KCNH8: variants seen among roughly 807,000 people sequenced by gnomAD.
KCNH8 encodes the protein voltage-gated delayed rectifier potassium channel KCNH8.
Under a neutral mutation model 103.6 loss-of-function variants are expected in KCNH8, and 70 were observed. The observed-to-expected ratio is 0.68, with a 90% CI of 0.56 to 0.82. The LOEUF is 0.82. Among genes scored for constraint, KCNH8 ranks in the 40% least tolerant of loss-of-function variants. The pLI is 0.00. For synonymous variants in KCNH8, 498 were observed against 489.4 expected, an observed-to-expected ratio of 1.02 and a Z score of -0.23; for missense variants, 1,217 against 1,329.9, an observed-to-expected ratio of 0.92 and a Z score of 1.32.
Position 19,395,224 on chromosome 3 carries a change from G to T in KCNH8, c.1090G>T (p.Ala364Ser). The change falls in exon 7 of 16, where the codon GCA becomes TCA. Residue 364 changes from alanine to serine, a missense_variant. Physicochemically the swap from Ala to Ser is moderately conservative, Grantham distance 99. Coordinates refer to ENST00000328405, the MANE Select transcript of KCNH8 (RefSeq NM_144633.3). The stretch of plus-strand genomic sequence containing the variant: ...CCTGACTCTGCTCATGTCCATGTTT[G>T]CACTCCTTGCACACTGGATGGCGTG... ...IVLTLLMSMF[A>S]LLAHWMACIW... is the part of the protein sequence containing the mutation. 1 of 1,608,658 alleles carries T rather than the reference G, an allele frequency of 6.2e-7. No individual in the cohort carries two copies. Among genetic ancestry groups the T allele is most frequent in the African/African-American group, 1.3e-5 (1 of 74,692 alleles).
chr3:19,371,737 G>A (rs2125116681), intron 5 of KCNH8, among the ~76,000 whole-genome samples: 1 of 123,822 alleles, frequency 8.1e-6, no homozygotes, highest in East Asian at 2.2e-4. Flanking sequence ...GGTTTTTATG[G>A]TTTTAGGTCT....
At chr3:19,495,633 T>C (rs1052915278) in intron 11 of KCNH8, among the ~76,000 whole-genome samples, 17 of 152,190 alleles carry the variant, frequency 1.1e-4, no homozygotes, top group African/African-American at 4.1e-4. Context: ...TGAAGTCAGG[T>C]AACATGATAC....
At chr3:19,302,538 C>G (rs1314489450) in intron 3 of KCNH8, among the ~76,000 whole-genome samples, 2 of 152,282 alleles carry the variant, frequency 1.3e-5, no homozygotes, top group East Asian at 3.9e-4. Context: ...CATTAAACGT[C>G]CTTCTATCAA....
At chr3:19,256,288 A>G (rs1194515658) in intron 2 of KCNH8, among the ~76,000 whole-genome samples, 1 of 152,158 alleles carries the variant, frequency 6.6e-6, no homozygotes, top group Non-Finnish European at 1.5e-5. Context: ...GTTATGAAGT[A>G]TTGGAGACTA....
At chr3:19,454,665 A>G (rs1190448227) in intron 10 of KCNH8, among the ~76,000 whole-genome samples, 1 of 152,074 alleles carries the variant, frequency 6.6e-6, no homozygotes, top group Non-Finnish European at 1.5e-5. Context: ...ATTCAATTGG[A>G]TATTTCTTGT....
At chr3:19,339,575 T>C (rs2065630609) in intron 3 of KCNH8, among the ~76,000 whole-genome samples, 1 of 152,158 alleles carries the variant, frequency 6.6e-6, no homozygotes, top group Non-Finnish European at 1.5e-5. Flanking sequence ...TGTGCTTTGT[T>C]CAGCCACAAG....
intron 2 of KCNH8, among the ~76,000 whole-genome samples, chr3:19,269,309 T>G (rs893365684): frequency 6.6e-6 from 1 of 152,114 alleles, no homozygotes; most frequent in African/African-American, 2.4e-5. Flanking sequence ...TTTCTCAATT[T>G]TGAGTCCCCC....
At chr3:19,418,755 A>G (rs2066899690) in intron 7 of KCNH8, among the ~76,000 whole-genome samples, 1 of 152,236 alleles carries the variant, frequency 6.6e-6, no homozygotes, top group Non-Finnish European at 1.5e-5. Flanking sequence ...AGAAAGTTTA[A>G]TGCAAACTTG....
Position 19,382,459 on chromosome 3 carries a change from A to C in KCNH8, c.812-8022A>C, listed in dbSNP as rs115545016. ...AATAGTTAATACATAGAAAGTACTT[A>C]AACAATTCCTCTCACAAAGTAAAAA... On this transcript the variant is annotated intron_variant, in intron 5 of 15. Coordinates refer to ENST00000328405, the MANE Select transcript of KCNH8 (RefSeq NM_144633.3). 8.0e-3 allele frequency among the ~76,000 whole-genome samples: 1,223 copies of C among 152,312 alleles called. 19 individuals carry two copies. Among genetic ancestry groups the C allele is most frequent in the African/African-American group, 0.028 (1,169 of 41,562 alleles).
chr3:19,476,488 C>G (rs2067979362), intron 11 of KCNH8, among the ~76,000 whole-genome samples: 1 of 152,112 alleles, frequency 6.6e-6, no homozygotes, highest in African/African-American at 2.4e-5. Context: ...TGTTTCTTTA[C>G]AATTACACAG....
At chr3:19,240,769 C>T (rs1008459257) in intron 1 of KCNH8, among the ~76,000 whole-genome samples, 1 of 152,126 alleles carries the variant, frequency 6.6e-6, no homozygotes, top group Non-Finnish European at 1.5e-5. Flanking sequence ...TCATAAGATA[C>T]ACCTCTGCCT....
intron 5 of KCNH8, among the ~76,000 whole-genome samples, chr3:19,385,832 G>T (rs1258617873): frequency 6.6e-6 from 1 of 151,962 alleles, no homozygotes; most frequent in Non-Finnish European, 1.5e-5. Flanking sequence ...GTCAACAGCT[G>T]GTTTAATTAA....
At chr3:19,189,091 A>G (rs1186046826) in intron 1 of KCNH8, among the ~76,000 whole-genome samples, 3 of 152,190 alleles carry the variant, frequency 2.0e-5, no homozygotes, top group South Asian at 2.1e-4. Flanking sequence ...TCAGCTTACA[A>G]TTGCAGGAAT....
At chr3:19,415,045 A>G (rs1485135011) in intron 7 of KCNH8, among the ~76,000 whole-genome samples, 1 of 151,990 alleles carries the variant, frequency 6.6e-6, no homozygotes, top group Non-Finnish European at 1.5e-5. Context: ...AACTTGGTGC[A>G]TAAGATTTTT....
chr3:19,428,877 G>A (rs530643495), intron 7 of KCNH8, among the ~76,000 whole-genome samples: 1 of 152,248 alleles, frequency 6.6e-6, no homozygotes, highest in Non-Finnish European at 1.5e-5. Context: ...CTCTACTCAT[G>A]TTTCTCTTCT....
At chr3:19,148,849 C>T in intron 1 of KCNH8, 54 bp downstream of exon 1, 3 of 1,474,942 alleles carry the variant, frequency 2.0e-6, no homozygotes, top group South Asian at 2.3e-5. Context: ...TGATTTTTCT[C>T]GTACACATTA....
chr3:19,173,791 T>C (rs139091318), intron 1 of KCNH8, among the ~76,000 whole-genome samples: 2 of 152,280 alleles, frequency 1.3e-5, no homozygotes, highest in Admixed American at 1.3e-4. Flanking sequence ...ACTGATTCTC[T>C]TGATTATTGC....
At chr3:19,161,191 T>A (rs1305888554) in intron 1 of KCNH8, among the ~76,000 whole-genome samples, 1 of 152,146 alleles carries the variant, frequency 6.6e-6, no homozygotes, top group Non-Finnish European at 1.5e-5. Context: ...CATTTGTGGG[T>A]AGAATACATG....
chr3:19,444,633 T>A (rs1271538544), intron 8 of KCNH8, among the ~76,000 whole-genome samples: 1 of 151,646 alleles, frequency 6.6e-6, no homozygotes, highest in East Asian at 1.9e-4. Context: ...TATAAAGAAC[T>A]GTTAAATCAA....
Sources: allele counts gnomAD v4.1 joint callset (sites outside exome capture counted in the v4.1 genomes callset), GRCh38; gene constraint gnomAD v4.1.1; transcripts MANE v1.5; gene names NCBI Gene and HGNC (gene_info 2026-07-23, HGNC 2026-07-21).